Variants in KCNIP4 observed in about 807,000 individuals in gnomAD.
KCNIP4 encodes potassium voltage-gated channel interacting protein 4.
KCNIP4 carries 12 observed loss-of-function variants against 34.0 expected under a neutral mutation model. That is an observed-to-expected ratio of 0.35 (90% confidence interval 0.23 to 0.57). KCNIP4 has a LOEUF of 0.57. Ranked by LOEUF, KCNIP4 falls within the 20% of genes least tolerant of loss-of-function variation. The pLI is 0.83. For missense variants in KCNIP4, 238 were observed against 311.7 expected (o/e 0.76, Z 1.78); for synonymous variants, 124 against 102.2 (o/e 1.21, Z -1.29).
At position 21,500,861 on chromosome 4, in the gene KCNIP4, G is replaced by A. The variant is rs77778883; in HGVS notation, c.61+447710C>T. Among the ~76,000 whole-genome samples, 29 of 152,208 alleles carry A rather than the reference G, an allele frequency of 1.9e-4. No homozygotes were observed. In the East Asian group the frequency reaches 4.8e-3, roughly 25 times the overall value. On this transcript the variant is annotated intron_variant, in intron 1 of 8. Coordinates refer to ENST00000382152, the MANE Select transcript of KCNIP4 (RefSeq NM_025221.6). ...AAAAATTATACTGTGAGTTGAAGAGGAGGATGACATCAATCACATCTTCTT... is the reference window on the plus strand; with the variant it reads ...AAAAATTATACTGTGAGTTGAAGAGAAGGATGACATCAATCACATCTTCTT...
chr4:21,056,707 T>C (rs1185248628), intron 1 of KCNIP4, among the ~76,000 whole-genome samples: 3 of 152,254 alleles, frequency 2.0e-5, no homozygotes, highest in Non-Finnish European at 2.9e-5. Flanking sequence ...TTATAAACCT[T>C]TGTGACCTGA....
intron 5 of KCNIP4, among the ~76,000 whole-genome samples, chr4:20,744,165 G>C (rs1200265087): frequency 6.6e-6 from 1 of 152,134 alleles, no homozygotes; most frequent in Non-Finnish European, 1.5e-5. Flanking sequence ...ACTGTTGGTG[G>C]GACTGTAAAC....
chr4:21,015,731 A>AT (rs1369860059), intron 1 of KCNIP4, among the ~76,000 whole-genome samples: 1 of 134,908 alleles, frequency 7.4e-6, no homozygotes, highest in East Asian at 2.0e-4. Flanking sequence ...TTATTTCTAG[A>AT]TATATATTAT....
chr4:21,327,647 T>A lies in KCNIP4; in HGVS notation c.62-444938A>T, dbSNP rs530581478. On this transcript the variant is annotated intron_variant, in intron 1 of 8. Transcript: ENST00000382152. The stretch of plus-strand genomic sequence containing the variant: ...AATCAAATTTCTACCCGTAGCTCTC[T>A]CTCTATATCTCCTCTTCAAGGCCAA... Among the ~76,000 whole-genome samples the A allele has an allele frequency of 2.0e-5, 3 of 152,222 alleles. No individual in the cohort carries two copies. In the South Asian group the frequency reaches 6.3e-4, roughly 32 times the overall value.
intron 1 of KCNIP4, among the ~76,000 whole-genome samples, chr4:21,884,345 C>CCAAA (rs1726637137): frequency 6.6e-6 from 1 of 152,038 alleles, no homozygotes; most frequent in Non-Finnish European, 1.5e-5. Flanking sequence ...ACAATGCCCA[C>CCAAA]CAACCTCAGG....
chr4:20,898,185 A>T (rs1467798426), intron 1 of KCNIP4, among the ~76,000 whole-genome samples: 1 of 151,404 alleles, frequency 6.6e-6, no homozygotes, highest in Non-Finnish European at 1.5e-5. Flanking sequence ...CCCCTTTCAG[A>T]CTCCAACTTG....
At chr4:21,371,084 A>G (rs1251838221) in intron 1 of KCNIP4, among the ~76,000 whole-genome samples, 1 of 142,270 alleles carries the variant, frequency 7.0e-6, no homozygotes, top group African/African-American at 3.0e-5. Context: ...CAAATAGGGC[A>G]ATTCAGCCAG....
At chr4:20,996,821 A>C (rs895915025) in intron 1 of KCNIP4, among the ~76,000 whole-genome samples, 2 of 152,070 alleles carry the variant, frequency 1.3e-5, no homozygotes, top group Middle Eastern at 3.4e-3. Flanking sequence ...ACTTGTGTAG[A>C]TGCTCCTCAC....
intron 1 of KCNIP4, among the ~76,000 whole-genome samples, chr4:21,610,196 A>T (rs1208498034): frequency 6.6e-6 from 1 of 152,258 alleles, no homozygotes; most frequent in Non-Finnish European, 1.5e-5. Context: ...TGAATGGATA[A>T]ACCAGCAGAA....
intron 1 of KCNIP4, among the ~76,000 whole-genome samples, chr4:21,884,206 C>T (rs1726627849): frequency 6.6e-6 from 1 of 152,066 alleles, no homozygotes; most frequent in Non-Finnish European, 1.5e-5. Flanking sequence ...TTCCTATTTG[C>T]TGGCGGCATA....
At chr4:20,736,198 G>T (rs1019987382) in intron 5 of KCNIP4, among the ~76,000 whole-genome samples, 3 of 152,124 alleles carry the variant, frequency 2.0e-5, no homozygotes, top group Non-Finnish European at 4.4e-5. Context: ...GCATACACAA[G>T]TATAAGATAT....
At chr4:21,092,087 C>T (rs541671981) in intron 1 of KCNIP4, among the ~76,000 whole-genome samples, 4 of 152,150 alleles carry the variant, frequency 2.6e-5, no homozygotes, top group East Asian at 3.8e-4. Context: ...TCTACTATCA[C>T]GAGCTTCCTC....
intron 1 of KCNIP4, among the ~76,000 whole-genome samples, chr4:21,774,747 C>T (rs372411431): frequency 2.0e-4 from 31 of 152,130 alleles, no homozygotes; most frequent in African/African-American, 7.5e-4. Flanking sequence ...TCTGTTCACA[C>T]TTGTGTATGC....
At chr4:21,099,725 T>C (rs1489713534) in intron 1 of KCNIP4, among the ~76,000 whole-genome samples, 1 of 152,152 alleles carries the variant, frequency 6.6e-6, no homozygotes, top group East Asian at 1.9e-4. Context: ...CTGAAAATCT[T>C]CTGGAAAGGA....
intron 1 of KCNIP4, among the ~76,000 whole-genome samples, chr4:21,225,580 T>C (rs1360181024): frequency 6.6e-6 from 1 of 152,194 alleles, no homozygotes; most frequent in African/African-American, 2.4e-5. Flanking sequence ...GGATTTTTGA[T>C]GTTGAATGAG....
intron 1 of KCNIP4, among the ~76,000 whole-genome samples, chr4:21,933,421 C>A (rs1729686058): frequency 6.6e-6 from 1 of 152,060 alleles, no homozygotes; most frequent in Admixed American, 6.6e-5. Context: ...TTGTTCTTGT[C>A]TATCTCTAAG....
At chr4:20,803,905 G>T (rs1714738592) in intron 3 of KCNIP4, among the ~76,000 whole-genome samples, 1 of 152,192 alleles carries the variant, frequency 6.6e-6, no homozygotes, top group African/African-American at 2.4e-5. Context: ...GGGCTCTGAT[G>T]TTGAGTCTGC....
chr4:21,199,407 A>G (rs1756302889), intron 1 of KCNIP4, among the ~76,000 whole-genome samples: 1 of 152,022 alleles, frequency 6.6e-6, no homozygotes, highest in South Asian at 2.1e-4. Context: ...CCACTTTTTG[A>G]TGGGGTTGTT....
intron 1 of KCNIP4, among the ~76,000 whole-genome samples, chr4:21,293,510 A>C (rs1357385869): frequency 1.3e-5 from 2 of 152,156 alleles, no homozygotes; most frequent in Non-Finnish European, 2.9e-5. Flanking sequence ...CTGTCAAATA[A>C]TCCCATCCTA....
Sources: gnomAD v4.1 joint callset for allele counts (sites outside exome capture counted in the v4.1 genomes callset) on GRCh38, gnomAD v4.1.1 for gene constraint, MANE v1.5 for transcripts, NCBI Gene and HGNC (gene_info 2026-07-23, HGNC 2026-07-21) for gene names.